Variants in ZNF804B observed in about 807,000 individuals in gnomAD.
ZNF804B encodes the protein zinc finger protein 804B.
Under a neutral mutation model 101.4 loss-of-function variants are expected in ZNF804B, and 80 were observed. The ratio of observed to expected loss-of-function variants is 0.79; its 90% CI spans 0.66 to 0.95. The LOEUF (loss-of-function observed/expected upper bound fraction) is 0.95. ZNF804B is among the 40% of genes least tolerant of loss of function. The probability of loss-of-function intolerance (pLI) is 0.00; values close to 1 mark genes in which losing one functional copy is unlikely to be tolerated. For synonymous variants in ZNF804B, 622 were observed against 558.8 expected (o/e 1.11, Z -1.59); for missense variants, 1,673 against 1,561.9 (o/e 1.07, Z -1.20).
intron 2 of ZNF804B, among the ~76,000 whole-genome samples, chr7:89,285,550 A>AAAAAAAAAAAAG (rs1790182091): frequency 1.1e-5 from 1 of 92,520 alleles, no homozygotes; most frequent in Admixed American, 1.1e-4. Context: ...AAAAAAAAAG[A>AAAAAAAAAAAAG]AGAAGAAGAA....
Position 88,794,354 on chromosome 7 carries a change from C to T in ZNF804B, c.108+34270C>T, listed in dbSNP as rs141537750. 138 of 1,613,848 alleles carry T rather than the reference C, an allele frequency of 8.6e-5. No homozygotes were observed. In the African/African-American group the frequency reaches 1.6e-3, roughly 19 times the overall value. On this transcript the variant is annotated intron_variant, in intron 1 of 3. Transcript: ENST00000333190. Reference sequence around the variant, plus strand: ...GGTGCAACTTGGTGTAAGTTATCGCCTGGTCCTTTAGTGCCTACTTTCATA... The same window carrying T: ...GGTGCAACTTGGTGTAAGTTATCGCTTGGTCCTTTAGTGCCTACTTTCATA...
Position 88,814,496 on chromosome 7 carries a change from A to T in ZNF804B, c.108+54412A>T, listed in dbSNP as rs559358708. ...CACACACACACACACACACACAGAA[A>T]GTTTAATGATAATAGCACTTTTTCT... On this transcript the variant is annotated intron_variant, in intron 1 of 3. Coordinates refer to ENST00000333190, the MANE Select transcript of ZNF804B (RefSeq NM_181646.5). Among the ~76,000 whole-genome samples the T allele has an allele frequency of 5.3e-5, 8 of 150,956 alleles. 1 individual carries two copies. The highest frequency in any genetic ancestry group is 1.9e-4 in the African/African-American group (8 of 41,044).
At chr7:89,304,628 T>C (rs1177431601) in intron 2 of ZNF804B, among the ~76,000 whole-genome samples, 1 of 151,962 alleles carries the variant, frequency 6.6e-6, no homozygotes. Flanking sequence ...GTTGTTAAAG[T>C]GTTTGTCTTC....
At chr7:89,118,229 T>C (rs1316614077) in intron 1 of ZNF804B, among the ~76,000 whole-genome samples, 1 of 152,142 alleles carries the variant, frequency 6.6e-6, no homozygotes, top group African/African-American at 2.4e-5. Flanking sequence ...AAAGTTAAAA[T>C]AACTAAGTCT....
intron 1 of ZNF804B, among the ~76,000 whole-genome samples, chr7:88,871,633 ATTGTAGCATTTTTCCAT>A (rs1171489590): frequency 3.3e-5 from 5 of 152,162 alleles, no homozygotes; most frequent in African/African-American, 1.2e-4. Context: ...ATATGATGCT[ATTGTAGCATTTTTCCAT>A]TTGTCGAAGG....
intron 1 of ZNF804B, among the ~76,000 whole-genome samples, chr7:89,165,145 A>G (rs999063560): frequency 1.3e-4 from 20 of 152,094 alleles, no homozygotes; most frequent in African/African-American, 4.3e-4. Context: ...GCTTCATGCT[A>G]CAACTGTATG....
At chr7:88,830,624 A>G (rs1241644425) in intron 1 of ZNF804B, among the ~76,000 whole-genome samples, 1 of 151,996 alleles carries the variant, frequency 6.6e-6, no homozygotes, top group African/African-American at 2.4e-5. Context: ...TCCAATGATA[A>G]CATTTTACAT....
chr7:89,029,460 G>A (rs2116228725), intron 1 of ZNF804B, among the ~76,000 whole-genome samples: 1 of 152,184 alleles, frequency 6.6e-6, no homozygotes, highest in South Asian at 2.1e-4. Context: ...TGGGATTAAG[G>A]GAAAACATAC....
intron 1 of ZNF804B, among the ~76,000 whole-genome samples, chr7:88,894,897 C>G (rs1792264824): frequency 6.6e-6 from 1 of 151,876 alleles, no homozygotes; most frequent in Admixed American, 6.6e-5. Flanking sequence ...GTTAAACTAT[C>G]CTGTATAATA....
At position 88,759,934 on chromosome 7, in the gene ZNF804B, G is replaced by T. The variant is rs111326915; in HGVS notation, c.-43G>T. 1.3e-6 allele frequency: 2 copies of T among 1,556,958 alleles called. No individual in the cohort carries two copies. Among genetic ancestry groups the T allele is most frequent in the Non-Finnish European group, 8.8e-7 (1 of 1,130,108 alleles). The stretch of plus-strand genomic sequence containing the variant: ...ACCCGCCCGCTTTCCACGGCTGGTC[G>T]CCTGGTGAGGAGTTGAGACTCTGCG... On this transcript the variant is annotated 5_prime_UTR_variant, in exon 1 of 4. Coordinates refer to ENST00000333190, the MANE Select transcript of ZNF804B (RefSeq NM_181646.5).
intron 1 of ZNF804B, among the ~76,000 whole-genome samples, chr7:88,976,648 T>C (rs776517251): frequency 6.6e-6 from 1 of 151,702 alleles, no homozygotes; most frequent in Non-Finnish European, 1.5e-5. Context: ...TTTCAGTTTT[T>C]CCAAATATAT....
intron 1 of ZNF804B, among the ~76,000 whole-genome samples, chr7:89,094,718 T>A (rs1789946428): frequency 6.6e-6 from 1 of 152,166 alleles, no homozygotes; most frequent in South Asian, 2.1e-4. Context: ...AAAATGATGA[T>A]TAATTTTCAG....
chr7:88,815,819 G>C (rs932096842), intron 1 of ZNF804B, among the ~76,000 whole-genome samples: 1 of 151,014 alleles, frequency 6.6e-6, no homozygotes, highest in Non-Finnish European at 1.5e-5. Flanking sequence ...CCACTGCATG[G>C]TCACCATTTT....
chr7:88,782,260 G>T (rs1349280377), intron 1 of ZNF804B, among the ~76,000 whole-genome samples: 1 of 151,910 alleles, frequency 6.6e-6, no homozygotes, highest in African/African-American at 2.4e-5. Context: ...AAGTCCATGG[G>T]CAGCTCTATC....
chr7:88,826,493 A>G (rs1289757156), intron 1 of ZNF804B, among the ~76,000 whole-genome samples: 1 of 152,152 alleles, frequency 6.6e-6, no homozygotes, highest in Non-Finnish European at 1.5e-5. Context: ...GCTAGGCACA[A>G]TCGAAAACCT....
intron 1 of ZNF804B, among the ~76,000 whole-genome samples, chr7:88,858,976 T>G (rs968532653): frequency 3.9e-5 from 6 of 152,104 alleles, no homozygotes; most frequent in Non-Finnish European, 8.8e-5. Context: ...CTTATGAACA[T>G]TCCCTGAATG....
intron 3 of ZNF804B, among the ~76,000 whole-genome samples, chr7:89,329,283 T>A (rs897831425): frequency 1.3e-5 from 2 of 151,798 alleles, no homozygotes; most frequent in Non-Finnish European, 2.9e-5. Context: ...TATCGTCTAC[T>A]GCCCATCACC....
Position 89,192,013 on chromosome 7 carries a change from TATGAG to T in ZNF804B, c.109-26139_109-26135del, listed in dbSNP as rs569714460. ...TCTAAAAAAAATTGATCCTGTTATG[TATGAG>T]ATAATATCTGTCTAGAACTTTTCTA... On this transcript the variant is annotated intron_variant, in intron 1 of 3. Coordinates refer to ENST00000333190, the MANE Select transcript of ZNF804B (RefSeq NM_181646.5). 2.0e-5 allele frequency among the ~76,000 whole-genome samples: 3 copies of T among 152,268 alleles called. No homozygotes were observed. In the South Asian group the frequency reaches 6.2e-4, roughly 32 times the overall value.
At chr7:89,262,493 A>G (rs925167402) in intron 2 of ZNF804B, among the ~76,000 whole-genome samples, 1 of 152,232 alleles carries the variant, frequency 6.6e-6, no homozygotes, top group Non-Finnish European at 1.5e-5. Flanking sequence ...GTAAATGAAT[A>G]TATGTAAAGT....
Sources: allele counts gnomAD v4.1 joint callset (sites outside exome capture counted in the v4.1 genomes callset), GRCh38; gene constraint gnomAD v4.1.1; transcripts MANE v1.5; gene names NCBI Gene and HGNC (gene_info 2026-07-23, HGNC 2026-07-21).